Variants in PTPRG observed in about 807,000 individuals in gnomAD.
PTPRG encodes the protein receptor-type tyrosine-protein phosphatase gamma.
Under a neutral mutation model 165.3 loss-of-function variants are expected in PTPRG, and 102 were observed. The observed-to-expected ratio is 0.62, with a 90% CI of 0.53 to 0.73. The LOEUF is 0.73. Ranked by LOEUF, PTPRG falls within the 30% of genes least tolerant of loss-of-function variation. The pLI is 0.00. For synonymous variants in PTPRG, 675 were observed against 669.5 expected (o/e 1.01, Z -0.13); for missense variants, 1,866 against 1,861.4 (o/e 1.00, Z -0.05).
intron 2 of PTPRG, among the ~76,000 whole-genome samples, chr3:61,979,773 A>G (rs1219854651): frequency 6.6e-6 from 1 of 152,282 alleles, no homozygotes; most frequent in East Asian, 1.9e-4. Flanking sequence ...TTTAATAGTT[A>G]ATATATTTTG....
At chr3:61,884,344 A>G (rs2107478548) in intron 2 of PTPRG, among the ~76,000 whole-genome samples, 1 of 152,338 alleles carries the variant, frequency 6.6e-6, no homozygotes. Context: ...TATTAAGATT[A>G]TAAGGTTATC....
chr3:61,580,492 T>G, intron 1 of PTPRG, among the ~76,000 whole-genome samples: 1 of 151,650 alleles, frequency 6.6e-6, no homozygotes, highest in African/African-American at 2.4e-5. Flanking sequence ...GAGATTCTCC[T>G]GCCTCAGCTA....
intron 1 of PTPRG, among the ~76,000 whole-genome samples, chr3:61,567,762 T>A (rs987327068): frequency 1.3e-5 from 2 of 151,570 alleles, no homozygotes; most frequent in Non-Finnish European, 2.9e-5. Flanking sequence ...GTGGGCAGAT[T>A]GCTTGAGCCC....
At chr3:62,143,198 C>G (rs1317244379) in intron 6 of PTPRG, among the ~76,000 whole-genome samples, 1 of 152,244 alleles carries the variant, frequency 6.6e-6, no homozygotes, top group Non-Finnish European at 1.5e-5. Context: ...GTCACCCTGA[C>G]ACCATTGTGA....
chr3:62,191,418 A>G, intron 8 of PTPRG, 51 bp from the exon 9 acceptor site: 2 of 1,568,056 alleles, frequency 1.3e-6, no homozygotes, highest in Non-Finnish European at 1.7e-6. Context: ...GCACGGATTG[A>G]ATGGCGCATT....
At chr3:62,179,910 C>T (rs1347306022) in intron 8 of PTPRG, among the ~76,000 whole-genome samples, 1 of 152,206 alleles carries the variant, frequency 6.6e-6, no homozygotes, top group African/African-American at 2.4e-5. Flanking sequence ...CCTACCACTC[C>T]ACCCACACTC....
rs974677099 is a variant in PTPRG at position 62,214,354 on chromosome 3, A to T, written c.2156-4497A>T. ...CGAAGCTGGGGTGGTGGTGATGACAATAATCACAATAGTTAACATTAACCA... is the reference window on the plus strand; with the variant it reads ...CGAAGCTGGGGTGGTGGTGATGACATTAATCACAATAGTTAACATTAACCA... On this transcript the variant is annotated intron_variant, in intron 12 of 29. Transcript: ENST00000474889. This position sits in a 1 kb window ranked among gnomAD's most constrained non-coding sequence, Gnocchi z 5.2. Among the ~76,000 whole-genome samples the T allele has an allele frequency of 6.6e-6, 1 of 152,242 alleles. No homozygotes were observed. The highest frequency in any genetic ancestry group is 1.5e-5 in the Non-Finnish European group (1 of 68,054).
chr3:62,158,875 A>G (rs778576350), intron 7 of PTPRG, among the ~76,000 whole-genome samples: 5 of 152,196 alleles, frequency 3.3e-5, no homozygotes, highest in Non-Finnish European at 5.9e-5. Context: ...AGATAATGAA[A>G]TAAGAAATGA....
chr3:62,191,319 C>G (rs1262195535), intron 8 of PTPRG, 150 bp from the exon 9 acceptor site: 1 of 630,074 alleles, frequency 1.6e-6, no homozygotes, highest in Non-Finnish European at 2.7e-6. Flanking sequence ...TCTCTCTCTA[C>G]ACACACAATG....
At chr3:61,655,202 T>C (rs1349538857) in intron 1 of PTPRG, among the ~76,000 whole-genome samples, 2 of 152,166 alleles carry the variant, frequency 1.3e-5, no homozygotes, top group African/African-American at 4.8e-5. Flanking sequence ...TCCAGAGTTG[T>C]ACAAGGGCAC....
intron 2 of PTPRG, among the ~76,000 whole-genome samples, chr3:61,871,170 GTTATGTTA>G (rs1559660204): frequency 0.056 from 3,634 of 65,414 alleles, 80 homozygotes; most frequent in African/African-American, 0.11. Context: ...GTTGTGTTAT[GTTATGTTA>G]TGTTATGTTA....
At chr3:61,835,546 C>T (rs2036432190) in intron 2 of PTPRG, among the ~76,000 whole-genome samples, 1 of 151,914 alleles carries the variant, frequency 6.6e-6, no homozygotes, top group South Asian at 2.1e-4. Flanking sequence ...GTTGGCCAGG[C>T]TGGGCTCGAA....
At position 62,255,340 on chromosome 3, in the gene PTPRG, C is replaced by A; in HGVS notation, c.2559+125C>A. 1.4e-6 allele frequency: 1 copy of A among 694,304 alleles called. No homozygotes were observed. The highest frequency in any genetic ancestry group is 2.9e-5 in the East Asian group (1 of 34,132). 43.0% of individuals were successfully genotyped at this position (694,304 alleles called of 1,614,324 possible). ...AGTAACTACGGAAAGTGGAGTTTTT[C>A]TTTTCATCTATTATTTTAATAGGCA... On this transcript the variant is annotated intron_variant, in intron 16 of 29. Coordinates refer to ENST00000474889, the MANE Select transcript of PTPRG (RefSeq NM_002841.4). The surrounding 1 kb of genome is among the most constrained non-coding windows in gnomAD (Gnocchi z 4.0).
intron 4 of PTPRG, among the ~76,000 whole-genome samples, chr3:62,044,415 T>C (rs1429180923): frequency 1.3e-5 from 2 of 152,166 alleles, no homozygotes; most frequent in Non-Finnish European, 2.9e-5. Context: ...GGCACATGCC[T>C]GTAGTCCCAG....
chr3:61,640,619 G>C (rs947770620), intron 1 of PTPRG, among the ~76,000 whole-genome samples: 1 of 152,214 alleles, frequency 6.6e-6, no homozygotes, highest in Non-Finnish European at 1.5e-5. Context: ...GCTAGCAAGG[G>C]TCTGAGCTGT....
At chr3:61,786,425 C>T (rs1040841323) in intron 2 of PTPRG, among the ~76,000 whole-genome samples, 4 of 152,162 alleles carry the variant, frequency 2.6e-5, no homozygotes, top group Non-Finnish European at 4.4e-5. Flanking sequence ...CCTTGAGCCT[C>T]ATGAGTTATT....
chr3:62,076,572 G>T (rs1255857183), intron 4 of PTPRG, among the ~76,000 whole-genome samples: 1 of 148,678 alleles, frequency 6.7e-6, no homozygotes, highest in East Asian at 2.0e-4. Flanking sequence ...GTTCATTTTT[G>T]TTCTCTACAT....
intron 2 of PTPRG, among the ~76,000 whole-genome samples, chr3:61,959,912 G>T (rs969526654): frequency 6.6e-6 from 1 of 151,986 alleles, no homozygotes; most frequent in African/African-American, 2.4e-5. Context: ...GCTGAGCTCT[G>T]TCCTGCCCCT....
At chr3:61,639,279 G>T (rs1702000692) in intron 1 of PTPRG, among the ~76,000 whole-genome samples, 1 of 152,072 alleles carries the variant, frequency 6.6e-6, no homozygotes, top group African/African-American at 2.4e-5. Context: ...GTTGGTTTTT[G>T]TAATAGTACC....
Sources: gnomAD v4.1 joint callset for allele counts (sites outside exome capture counted in the v4.1 genomes callset) on GRCh38, gnomAD v4.1.1 for gene constraint, Gnocchi (gnomAD v3.1) non-coding constraint, MANE v1.5 for transcripts, NCBI Gene and HGNC (gene_info 2026-07-23, HGNC 2026-07-21) for gene names.